Variants in UBE4B observed in about 807,000 individuals in gnomAD.
The protein encoded by UBE4B is ubiquitination factor E4B, also known as ubiquitin conjugation factor E4 B.
Under a neutral mutation model 148.1 loss-of-function variants are expected in UBE4B, and 27 were observed. The observed-to-expected ratio is 0.18, with a 90% CI of 0.13 to 0.25. The LOEUF (loss-of-function observed/expected upper bound fraction) is 0.25, where lower values mean the gene tolerates loss of function less well. Ranked by LOEUF, UBE4B falls within the 10% of genes least tolerant of loss-of-function variation. The pLI, the probability that UBE4B is intolerant of heterozygous loss-of-function variation, is 1.00. For synonymous variants in UBE4B, 596 were observed against 619.3 expected (o/e 0.96, Z 0.56); for missense variants, 1,170 against 1,662.4 (o/e 0.70, Z 5.15).
chr1:10,037,958 T>A (rs1241208183), intron 1 of UBE4B, among the ~76,000 whole-genome samples: 1 of 152,182 alleles, frequency 6.6e-6, no homozygotes, highest in African/African-American at 2.4e-5. Flanking sequence ...GCAAGATGGT[T>A]GGCTGGGATT....
At chr1:10,173,772 T>C (rs1269294531) in intron 25 of UBE4B, among the ~76,000 whole-genome samples, 1 of 152,154 alleles carries the variant, frequency 6.6e-6, no homozygotes, top group African/African-American at 2.4e-5. Flanking sequence ...GTGGTTGTGC[T>C]GTGGCTGCCA....
intron 2 of UBE4B, among the ~76,000 whole-genome samples, chr1:10,095,227 G>A (rs1022542936): frequency 7.2e-5 from 11 of 152,164 alleles, no homozygotes; most frequent in African/African-American, 2.7e-4. Flanking sequence ...GGCATTAGAT[G>A]TAGCTCTGTT....
chr1:10,033,824 A>C (rs1031115606), intron 1 of UBE4B, 130 bp downstream of exon 1: 14 of 961,856 alleles, frequency 1.5e-5, no homozygotes, highest in Admixed American at 6.2e-5. Flanking sequence ...TTTTCCAAGA[A>C]TAACGTGACT....
chr1:10,161,107 A>G lies in UBE4B; in HGVS notation c.3054-35A>G, dbSNP rs1336084184. 6.2e-7 allele frequency: 1 copy of G among 1,604,680 alleles called. No individual in the cohort carries two copies. On this transcript the variant is annotated intron_variant, in intron 22 of 27. Transcript: ENST00000343090. This position sits in a 1 kb window ranked among gnomAD's most constrained non-coding sequence, Gnocchi z 4.1. Reference sequence around the variant, plus strand: ...TGCTGTGGCATTTTGCTTCAGGGAGATGTATGACCATGTACAATATAATTG... The same window carrying G: ...TGCTGTGGCATTTTGCTTCAGGGAGGTGTATGACCATGTACAATATAATTG...
intron 21 of UBE4B, among the ~76,000 whole-genome samples, chr1:10,155,090 T>A (rs61782930): frequency 1.5e-5 from 2 of 135,912 alleles, no homozygotes; most frequent in Admixed American, 6.9e-5. Context: ...AGAGAGTGTG[T>A]GTGTGTGTGT....
intron 25 of UBE4B, among the ~76,000 whole-genome samples, chr1:10,174,854 C>T (rs1031984543): frequency 2.1e-4 from 32 of 151,762 alleles, no homozygotes; most frequent in Admixed American, 1.9e-3. Context: ...GGGCAGGGGG[C>T]GGTAAGTGCA....
chr1:10,105,085 T>C (rs915939117), intron 5 of UBE4B, among the ~76,000 whole-genome samples: 1 of 152,190 alleles, frequency 6.6e-6, no homozygotes, highest in Non-Finnish European at 1.5e-5. Flanking sequence ...ATAAAACATA[T>C]CTAGACTAAG....
rs1174804105 is a variant in UBE4B at position 10,171,255 on chromosome 1, C to A, written c.3451C>A (p.Leu1151Met). The A allele has an allele frequency of 6.2e-7, 1 of 1,614,236 alleles. No individual in the cohort carries two copies. The highest frequency in any genetic ancestry group is 8.5e-7 in the Non-Finnish European group (1 of 1,180,056). ...GAAATACGGCTTTGAACCAAAGAAG[C>A]TGTTGGACCAACTGACGGATATTTA... is the stretch of plus-strand genomic sequence containing the variant. ...PEKYGFEPKKLLDQLTDIYLQ... is the reference protein window; with the variant it reads ...PEKYGFEPKKMLDQLTDIYLQ... Residue 1151 changes from leucine to methionine, a missense_variant, in exon 25 of 28, where the codon CTG becomes ATG. Transcript: ENST00000343090.
chr1:10,070,324 A>G (rs1644462869), intron 1 of UBE4B, among the ~76,000 whole-genome samples: 1 of 151,950 alleles, frequency 6.6e-6, no homozygotes, highest in Admixed American at 6.6e-5. Context: ...TTTAACATAT[A>G]AACTATGAAG....
intron 7 of UBE4B, among the ~76,000 whole-genome samples, chr1:10,114,234 C>A (rs1333882425): frequency 6.6e-6 from 1 of 152,084 alleles, no homozygotes; most frequent in African/African-American, 2.4e-5. Context: ...AGGAAAATTA[C>A]CCTCAATTGT....
intron 22 of UBE4B, among the ~76,000 whole-genome samples, chr1:10,160,457 T>A (rs1274387943): frequency 6.6e-6 from 1 of 152,172 alleles, no homozygotes; most frequent in African/African-American, 2.4e-5. Context: ...CTGGTAAGCC[T>A]GCTCTGGGAA....
intron 1 of UBE4B, among the ~76,000 whole-genome samples, chr1:10,045,506 C>G (rs1282706395): frequency 6.6e-6 from 1 of 151,998 alleles, no homozygotes; most frequent in African/African-American, 2.4e-5. Context: ...TATTTTGTTT[C>G]TCTTGGTGGT....
chr1:10,144,128 T>G (rs12144133), intron 17 of UBE4B, among the ~76,000 whole-genome samples: 57,518 of 151,966 alleles, frequency 0.38, 13,364 homozygotes, highest in East Asian at 0.52. Flanking sequence ...GGGGAAGCCT[T>G]TTACTGCAGA....
At chr1:10,158,285 G>T in intron 21 of UBE4B, 71 bp from the exon 22 acceptor site, 2 of 1,567,398 alleles carry the variant, frequency 1.3e-6, no homozygotes, top group Non-Finnish European at 1.7e-6. Flanking sequence ...CAGTATCATT[G>T]TTGGGGCAAT....
rs543290465 is a variant in UBE4B, at chr1:10,119,911, C to A, written c.1439+298C>A. Reference sequence around the variant, plus strand: ...GACAAGCATGGCAGAAAATTAGTAACTGACTATACAGCAACTGCCTGAAGT... The same window carrying A: ...GACAAGCATGGCAGAAAATTAGTAAATGACTATACAGCAACTGCCTGAAGT... On this transcript the variant is annotated intron_variant, in intron 9 of 27. Coordinates refer to ENST00000343090, the MANE Select transcript of UBE4B (RefSeq NM_001105562.3). Among the ~76,000 whole-genome samples, 5 of 152,292 alleles carry A rather than the reference C, an allele frequency of 3.3e-5. No homozygotes were observed. The South Asian group carries it at 1.0e-3, about 32-fold the overall frequency.
At chr1:10,095,645 A>C in intron 3 of UBE4B, 49 bp downstream of exon 3, 1 of 1,610,418 alleles carries the variant, frequency 6.2e-7, no homozygotes, top group Non-Finnish European at 8.5e-7. Flanking sequence ...AGGGAAAGAG[A>C]AAGATCCATT....
At chr1:10,173,008 G>A (rs1167001274) in intron 25 of UBE4B, among the ~76,000 whole-genome samples, 2 of 152,208 alleles carry the variant, frequency 1.3e-5, no homozygotes, top group South Asian at 2.1e-4. Flanking sequence ...TCGACGTGGT[G>A]TAGGCCACGC....
chr1:10,097,766 C>T (rs1360305348), intron 3 of UBE4B, among the ~76,000 whole-genome samples: 1 of 152,096 alleles, frequency 6.6e-6, no homozygotes, highest in African/African-American at 2.4e-5. Context: ...CCTGAGATCG[C>T]ACCGCTGCAC....
At chr1:10,096,733 AAGG>A (rs1399581996) in intron 3 of UBE4B, among the ~76,000 whole-genome samples, 2 of 151,548 alleles carry the variant, frequency 1.3e-5, no homozygotes, top group Admixed American at 6.6e-5. Flanking sequence ...AAAAAAGAAA[AAGG>A]AGAATTAAAA....
Sources: allele counts gnomAD v4.1 joint callset (sites outside exome capture counted in the v4.1 genomes callset), GRCh38; gene constraint gnomAD v4.1.1; non-coding constraint Gnocchi (gnomAD v3.1); transcripts MANE v1.5; gene names NCBI Gene and HGNC (gene_info 2026-07-23, HGNC 2026-07-21).